NCOA6: variants seen among roughly 807,000 people sequenced by gnomAD.
The protein encoded by NCOA6 is NRC RAP250.
NCOA6 carries 49 observed loss-of-function variants against 171.4 expected under a neutral mutation model. The ratio of observed to expected loss-of-function variants is 0.29; its 90% CI spans 0.23 to 0.36. The LOEUF is 0.36. NCOA6 is among the 10% of genes least tolerant of loss of function. The pLI, the probability that NCOA6 is intolerant of heterozygous loss-of-function variation, is 1.00. For missense variants in NCOA6, 2,248 were observed against 2,554.5 expected (o/e 0.88, Z 2.59); for synonymous variants, 910 against 927.5 (o/e 0.98, Z 0.34).
In NCOA6 at chr20:34,757,561, G is replaced by A. The variant is rs1240061070; in HGVS notation, c.1187C>T (p.Pro396Leu). The A allele has an allele frequency of 1.2e-6, 2 of 1,614,028 alleles. No individual in the cohort carries two copies. The highest frequency in any genetic ancestry group is 1.7e-6 in the Non-Finnish European group (2 of 1,179,970). Reference protein sequence around the residue: ...AHTNFPQMSNPGQFTAPQMKS... With the variant: ...AHTNFPQMSNLGQFTAPQMKS... The stretch of plus-strand genomic sequence containing the variant: ...CATCTGAGGAGCTGTGAACTGGCCT[G>A]GGTTGCTCATCTGAGGAAAGTTTGT... Residue 396 changes from proline (P) to leucine (L), a missense_variant, in exon 7 of 15, where the codon CCA (proline) becomes CTA (leucine). Pro to Leu is a moderately conservative substitution (Grantham distance 98). Transcript: ENST00000359003.
chr20:34,805,559 G>A (rs1188443693), intron 1 of NCOA6, among the ~76,000 whole-genome samples: 1 of 152,008 alleles, frequency 6.6e-6, no homozygotes, highest in Non-Finnish European at 1.5e-5. Flanking sequence ...TGATTATCTT[G>A]GCTATTGTGA....
chr20:34,813,016 G>A (rs1168200203), intron 1 of NCOA6, among the ~76,000 whole-genome samples: 1 of 151,658 alleles, frequency 6.6e-6, no homozygotes, highest in African/African-American at 2.4e-5. Flanking sequence ...AAAATTAGCT[G>A]GGAATGGTGG....
chr20:34,758,825 G>A lies in NCOA6; in HGVS notation c.623C>T (p.Pro208Leu), dbSNP rs1306702759. 7 of 1,612,500 alleles carry A rather than the reference G, an allele frequency of 4.3e-6. No individual in the cohort carries two copies. Among genetic ancestry groups the A allele is most frequent in the Non-Finnish European group, 5.9e-6 (7 of 1,179,640 alleles). Residue 208 changes from proline to leucine, a missense_variant, in exon 6 of 15, where the codon CCT becomes CTT. Physicochemically the swap from Pro to Leu is moderately conservative, Grantham distance 98. Coordinates refer to ENST00000359003, the MANE Select transcript of NCOA6 (RefSeq NM_014071.5). Reference protein sequence around the residue: ...GPNPELQPRTPRPASQSDAMD... With the variant: ...GPNPELQPRTLRPASQSDAMD... ...ATTACCTGACTGAGAAGCAGGGCGA[G>A]GAGTCCTGGGCTGCAGCTCTGGATT... is the stretch of plus-strand genomic sequence containing the variant.
chr20:34,750,876 G>C (rs899440243), intron 8 of NCOA6, among the ~76,000 whole-genome samples: 1 of 152,088 alleles, frequency 6.6e-6, no homozygotes, highest in Non-Finnish European at 1.5e-5. Flanking sequence ...GGCCAGGCTC[G>C]GGTGGTTCAT....
intron 4 of NCOA6, among the ~76,000 whole-genome samples, chr20:34,772,019 C>G (rs2077165181): frequency 6.6e-6 from 1 of 152,170 alleles, no homozygotes. Flanking sequence ...CATTCTCTTT[C>G]ACTTTCAGAA....
chr20:34,737,639 G>A (rs1400621951), intron 11 of NCOA6, among the ~76,000 whole-genome samples: 1 of 152,102 alleles, frequency 6.6e-6, no homozygotes, highest in Non-Finnish European at 1.5e-5. Flanking sequence ...CTCTAGAAGG[G>A]AACCATCCTG....
At chr20:34,758,777 T>G (rs1008115107) in intron 6 of NCOA6, 28 bp downstream of exon 6, 6 of 1,608,958 alleles carry the variant, frequency 3.7e-6, no homozygotes, top group Non-Finnish European at 5.1e-6. Context: ...TTTCAGACTC[T>G]TCATCCTCAA....
At position 34,719,200 on chromosome 20, in the gene NCOA6, G is replaced by A. The variant is rs113910996; in HGVS notation, c.6149-3835C>T. On this transcript the variant is annotated intron_variant, in intron 14 of 14. Transcript: ENST00000359003. ...TTAAGCAAATTTGACCAAATCTACA[G>A]TACAAGGCTCTACTTAATCCTCTAG... 4.3e-3 allele frequency among the ~76,000 whole-genome samples: 655 copies of A among 152,270 alleles called. 1 individual carries two copies. The highest frequency in any genetic ancestry group is 8.0e-3 in the Non-Finnish European group (544 of 68,022).
chr20:34,774,684 C>G (rs1320767181), intron 4 of NCOA6, among the ~76,000 whole-genome samples: 1 of 152,152 alleles, frequency 6.6e-6, no homozygotes, highest in East Asian at 1.9e-4. Context: ...CTGGCTGTAT[C>G]AACACAGGAG....
At position 34,741,416 on chromosome 20, in the gene NCOA6, C is replaced by A; in HGVS notation, c.4840G>T (p.Ala1614Ser). 1 of 1,614,172 alleles carries A rather than the reference C, an allele frequency of 6.2e-7. No individual in the cohort carries two copies. Among genetic ancestry groups the A allele is most frequent in the Non-Finnish European group, 8.5e-7 (1 of 1,180,034 alleles). Residue 1614 changes from alanine (A) to serine (S), a missense_variant, in exon 11 of 15, where the codon GCA (alanine) becomes TCA (serine). By Grantham distance (99) the Ala-to-Ser change is moderately conservative. Coordinates refer to ENST00000359003, the MANE Select transcript of NCOA6 (RefSeq NM_014071.5). The part of the protein sequence containing the change: ...NPITTSANTS[A>S]ALPTHLQSAL... Reference sequence around the variant, plus strand: ...GACTGCAAGTGAGTTGGCAAAGCTGCTGATGTGTTAGCTGAAGTTGTGATG... The same window carrying A: ...GACTGCAAGTGAGTTGGCAAAGCTGATGATGTGTTAGCTGAAGTTGTGATG...
intron 13 of NCOA6, among the ~76,000 whole-genome samples, chr20:34,729,289 A>T (rs975716496): frequency 2.6e-5 from 4 of 152,174 alleles, no homozygotes; most frequent in Non-Finnish European, 5.9e-5. Flanking sequence ...TTGGGTGCAC[A>T]CTGTGTGAAA....
chr20:34,718,867 G>T (rs1248195123), intron 14 of NCOA6, among the ~76,000 whole-genome samples: 4 of 152,096 alleles, frequency 2.6e-5, no homozygotes, highest in African/African-American at 9.7e-5. Flanking sequence ...ATCCAGTCAG[G>T]GTGTACCTCA....
intron 3 of NCOA6, among the ~76,000 whole-genome samples, chr20:34,778,995 G>GACT (rs1379316615): frequency 6.9e-6 from 1 of 144,932 alleles, no homozygotes; most frequent in Non-Finnish European, 1.5e-5. Flanking sequence ...GACAAGACAA[G>GACT]ACTTAGGGCG....
chr20:34,817,455 T>C (rs1397064015), intron 1 of NCOA6, among the ~76,000 whole-genome samples: 1 of 152,118 alleles, frequency 6.6e-6, no homozygotes, highest in Admixed American at 6.6e-5. Flanking sequence ...TTCTGCTTTA[T>C]AGAGATTGTA....
intron 1 of NCOA6, among the ~76,000 whole-genome samples, chr20:34,793,569 G>C (rs978478479): frequency 1.3e-5 from 2 of 152,006 alleles, no homozygotes; most frequent in African/African-American, 4.8e-5. Flanking sequence ...GTTACAGTGA[G>C]CTATGATCAT....
intron 11 of NCOA6, among the ~76,000 whole-genome samples, chr20:34,737,293 GAT>G (rs1021526385): frequency 6.6e-6 from 1 of 152,174 alleles, no homozygotes; most frequent in Non-Finnish European, 1.5e-5. Context: ...AAATAAATTT[GAT>G]ATGTTATTTA....
At chr20:34,756,487 C>G (rs1034592062) in intron 7 of NCOA6, among the ~76,000 whole-genome samples, 1 of 152,084 alleles carries the variant, frequency 6.6e-6, no homozygotes, top group African/African-American at 2.4e-5. Context: ...CTGAAAAGCT[C>G]CAAGCACATT....
At chr20:34,731,920 C>G (rs926214063) in intron 13 of NCOA6, among the ~76,000 whole-genome samples, 2 of 152,188 alleles carry the variant, frequency 1.3e-5, no homozygotes, top group African/African-American at 4.8e-5. Context: ...ACTTGTGAGG[C>G]TGAGGCAGGA....
chr20:34,809,149 A>C (rs2078567650), intron 1 of NCOA6, among the ~76,000 whole-genome samples: 1 of 152,214 alleles, frequency 6.6e-6, no homozygotes, highest in African/African-American at 2.4e-5. Flanking sequence ...TGAGAAATTC[A>C]CCTTTTTGTC....
Sources: gnomAD v4.1 joint callset for allele counts (sites outside exome capture counted in the v4.1 genomes callset) on GRCh38, gnomAD v4.1.1 for gene constraint, MANE v1.5 for transcripts, NCBI Gene and HGNC (gene_info 2026-07-23, HGNC 2026-07-21) for gene names.